The following KIRREL3 variants were observed in gnomAD, a reference collection of about 807,000 sequenced individuals.
The protein encoded by KIRREL3 is kirre like nephrin family adhesion molecule 3.
Under a neutral mutation model 89.7 loss-of-function variants are expected in KIRREL3, and 36 were observed. That is an observed-to-expected ratio of 0.40 (90% CI 0.31 to 0.53). The LOEUF (loss-of-function observed/expected upper bound fraction) is 0.53. Ranked by LOEUF, KIRREL3 falls within the 20% of genes least tolerant of loss-of-function variation. KIRREL3 has a pLI of 0.49. For synonymous variants in KIRREL3, 445 were observed against 441.4 expected (o/e 1.01, Z -0.10); for missense variants, 864 against 1,056.6 (o/e 0.82, Z 2.53).
chr11:126,529,374 G>A (rs1264346805), intron 2 of KIRREL3, among the ~76,000 whole-genome samples: 2 of 152,148 alleles, frequency 1.3e-5, no homozygotes, highest in Admixed American at 6.5e-5. Flanking sequence ...CCTTTTGGTG[G>A]GTGTCTCAGA....
At chr11:126,929,948 A>AC (rs35235576) in intron 1 of KIRREL3, among the ~76,000 whole-genome samples, 1,888 of 143,904 alleles carry the variant, frequency 0.013, 20 homozygotes, top group South Asian at 0.034. Flanking sequence ...TGGGGGAGCC[A>AC]CCCCCCCCCC....
chr11:126,843,517 T>A lies in KIRREL3; in HGVS notation c.55+156938A>T, dbSNP rs929056572. Among the ~76,000 whole-genome samples, 1 of 152,142 alleles carries A rather than the reference T, an allele frequency of 6.6e-6. No individual in the cohort carries two copies. Among genetic ancestry groups the A allele is most frequent in the Admixed American group, 6.5e-5 (1 of 15,276 alleles). On this transcript the variant is annotated intron_variant, in intron 1 of 16. Coordinates refer to ENST00000525144, the MANE Select transcript of KIRREL3 (RefSeq NM_032531.4). This position sits in a 1 kb window ranked among gnomAD's most constrained non-coding sequence, Gnocchi z 4.6. The stretch of plus-strand genomic sequence containing the variant: ...CGTCCCACAGAGACTTCCAGCCTAG[T>A]CAGCTATGCAATCAAACCAAAGCAT...
rs900129412 is a variant in KIRREL3, at chr11:126,744,971, C to T, written c.56-182059G>A. ...CAGACACATTAGGTTGGAGGTGATG[C>T]GAACTGTCTTGCTGGAAGTGTCCAC... is the stretch of plus-strand genomic sequence containing the variant. On this transcript the variant is annotated intron_variant, in intron 1 of 16. Transcript: ENST00000525144. The surrounding 1 kb of genome is among the most constrained non-coding windows in gnomAD (Gnocchi z 4.7). Among the ~76,000 whole-genome samples the T allele has an allele frequency of 2.0e-5, 3 of 151,860 alleles. No homozygotes were observed. Among genetic ancestry groups the T allele is most frequent in the African/African-American group, 7.3e-5 (3 of 41,294 alleles).
At chr11:126,733,366 A>G (rs1409111646) in intron 1 of KIRREL3, among the ~76,000 whole-genome samples, 1 of 152,206 alleles carries the variant, frequency 6.6e-6, no homozygotes, top group Non-Finnish European at 1.5e-5. Flanking sequence ...TCGTAAGCTC[A>G]AGACACCTGA....
At position 126,919,178 on chromosome 11, in the gene KIRREL3, G is replaced by C. The variant is rs187487344; in HGVS notation, c.55+81277C>G. Among the ~76,000 whole-genome samples the C allele has an allele frequency of 2.6e-5, 4 of 152,154 alleles. No homozygotes were observed. In the South Asian group the frequency reaches 8.3e-4, roughly 32 times the overall value. On this transcript the variant is annotated intron_variant, in intron 1 of 16. Transcript: ENST00000525144. ...AAGGCATAGTGCTTTTGTGGGTTTCGATAAGCCTGACTTCTCAGTGTGGAT... is the reference window on the plus strand; with the variant it reads ...AAGGCATAGTGCTTTTGTGGGTTTCCATAAGCCTGACTTCTCAGTGTGGAT...
intron 1 of KIRREL3, among the ~76,000 whole-genome samples, chr11:126,648,907 T>C (rs1313440899): frequency 6.6e-6 from 1 of 152,194 alleles, no homozygotes; most frequent in Non-Finnish European, 1.5e-5. Flanking sequence ...TTGGAAAATG[T>C]ATTAGTCAGT....
At chr11:126,461,406 G>A (rs961260442) in intron 6 of KIRREL3, among the ~76,000 whole-genome samples, 1 of 152,176 alleles carries the variant, frequency 6.6e-6, no homozygotes, top group Non-Finnish European at 1.5e-5. Context: ...TGTGTGCCCC[G>A]GGACCTCCTT....
chr11:126,791,261 T>C lies in KIRREL3; in HGVS notation c.55+209194A>G, dbSNP rs1317178324. On this transcript the variant is annotated intron_variant, in intron 1 of 16. Transcript: ENST00000525144. The surrounding 1 kb of genome is among the most constrained non-coding windows in gnomAD (Gnocchi z 4.8). ...GTACAGGGAATTTAGTGGTATTTGTTGACCTGATGAGATGAGAAATAGTTG... is the reference window on the plus strand; with the variant it reads ...GTACAGGGAATTTAGTGGTATTTGTCGACCTGATGAGATGAGAAATAGTTG... 6.6e-6 allele frequency among the ~76,000 whole-genome samples: 1 copy of C among 152,178 alleles called. No homozygotes were observed. Among genetic ancestry groups the C allele is most frequent in the African/African-American group, 2.4e-5 (1 of 41,458 alleles).
At chr11:126,582,696 A>C (rs1027549218) in intron 1 of KIRREL3, among the ~76,000 whole-genome samples, 1 of 152,180 alleles carries the variant, frequency 6.6e-6, no homozygotes, top group Non-Finnish European at 1.5e-5. Flanking sequence ...AAGGTCACCG[A>C]GTATTTGCAA....
In KIRREL3 at chr11:126,612,713, C is replaced by T. The variant is rs1025583486; in HGVS notation, c.56-49801G>A. ...CCCACTTTCTGCCTCTGTGGATTTACCTATACTGGACACTCCTACAACATG... is the reference window on the plus strand; with the variant it reads ...CCCACTTTCTGCCTCTGTGGATTTATCTATACTGGACACTCCTACAACATG... On this transcript the variant is annotated intron_variant, in intron 1 of 16. Transcript: ENST00000525144. The surrounding 1 kb of genome is among the most constrained non-coding windows in gnomAD (Gnocchi z 4.5). Among the ~76,000 whole-genome samples the T allele has an allele frequency of 1.3e-5, 2 of 152,190 alleles. No individual in the cohort carries two copies. The highest frequency in any genetic ancestry group is 4.8e-5 in the African/African-American group (2 of 41,454).
At chr11:126,885,778 G>A (rs972491223) in intron 1 of KIRREL3, among the ~76,000 whole-genome samples, 2 of 152,300 alleles carry the variant, frequency 1.3e-5, no homozygotes, top group South Asian at 2.1e-4. Context: ...CCTCAGGCAT[G>A]CCCCACTGTG....
rs372068920 is a variant in KIRREL3 at position 126,927,145 on chromosome 11, G to T, written c.55+73310C>A. Reference sequence around the variant, plus strand: ...AGCCTTTCTTTTCATTGTCCAGAAGGTTCTAAGGACAGCTGAGATGGGGTT... The same window carrying T: ...AGCCTTTCTTTTCATTGTCCAGAAGTTTCTAAGGACAGCTGAGATGGGGTT... On this transcript the variant is annotated intron_variant, in intron 1 of 16. Coordinates refer to ENST00000525144, the MANE Select transcript of KIRREL3 (RefSeq NM_032531.4). Among the ~76,000 whole-genome samples the T allele has an allele frequency of 4.3e-4, 66 of 152,328 alleles. 3 individuals carry two copies. The East Asian group carries it at 8.3e-3, about 19-fold the overall frequency.
In KIRREL3 at chr11:126,427,338, G is replaced by A. The variant is rs1423575806; in HGVS notation, c.1807-1614C>T. On this transcript the variant is annotated intron_variant, in intron 15 of 16. Coordinates refer to ENST00000525144, the MANE Select transcript of KIRREL3 (RefSeq NM_032531.4). This position sits in a 1 kb window ranked among gnomAD's most constrained non-coding sequence, Gnocchi z 5.3. ...ATGACCTTTGCCCTTGAGGAGCTCT[G>A]GGATAACTGGGGAAGCTGACATGGA... Among the ~76,000 whole-genome samples, 1 of 152,192 alleles carries A rather than the reference G, an allele frequency of 6.6e-6. No homozygotes were observed. The highest frequency in any genetic ancestry group is 1.5e-5 in the Non-Finnish European group (1 of 68,042).
In KIRREL3 at chr11:126,739,157, A is replaced by G. The variant is rs1948899004; in HGVS notation, c.56-176245T>C. Among the ~76,000 whole-genome samples, 1 of 152,194 alleles carries G rather than the reference A, an allele frequency of 6.6e-6. No homozygotes were observed. Among genetic ancestry groups the G allele is most frequent in the Admixed American group, 6.5e-5 (1 of 15,288 alleles). On this transcript the variant is annotated intron_variant, in intron 1 of 16. Transcript: ENST00000525144. This position sits in a 1 kb window ranked among gnomAD's most constrained non-coding sequence, Gnocchi z 5.5. The stretch of plus-strand genomic sequence containing the variant: ...TCCAATCCAGACTGTTCTGGCTCCA[A>G]AGCCAAACCCTTCCACCCGTTCCGT...
chr11:126,474,850 C>T lies in KIRREL3; in HGVS notation c.434-1384G>A, dbSNP rs1957020966. The stretch of plus-strand genomic sequence containing the variant: ...TGGTTTGGAGGAGAGGCCCAGAAAT[C>T]TGAAGTACCTTGCCTAGGACACAGG... On this transcript the variant is annotated intron_variant, in intron 4 of 16. Transcript: ENST00000525144. This position sits in a 1 kb window ranked among gnomAD's most constrained non-coding sequence, Gnocchi z 6.7. Among the ~76,000 whole-genome samples, 1 of 152,192 alleles carries T rather than the reference C, an allele frequency of 6.6e-6. No homozygotes were observed. The highest frequency in any genetic ancestry group is 2.1e-4 in the South Asian group (1 of 4,836).
In KIRREL3 at chr11:126,576,215, G is replaced by C. The variant is rs945000422; in HGVS notation, c.56-13303C>G. The stretch of plus-strand genomic sequence containing the variant: ...GGGCTGAGGTCTGAGATCTCTGCTG[G>C]TTTGAGAATGGGACTTCCTCCTACC... On this transcript the variant is annotated intron_variant, in intron 1 of 16. Coordinates refer to ENST00000525144, the MANE Select transcript of KIRREL3 (RefSeq NM_032531.4). This position sits in a 1 kb window ranked among gnomAD's most constrained non-coding sequence, Gnocchi z 5.4. 1.3e-4 allele frequency among the ~76,000 whole-genome samples: 20 copies of C among 152,238 alleles called. No individual in the cohort carries two copies. Among genetic ancestry groups the C allele is most frequent in the African/African-American group, 4.8e-4 (20 of 41,460 alleles).
chr11:126,683,617 T>C lies in KIRREL3; in HGVS notation c.56-120705A>G, dbSNP rs1007142454. 5.3e-5 allele frequency among the ~76,000 whole-genome samples: 8 copies of C among 152,218 alleles called. No individual in the cohort carries two copies. The highest frequency in any genetic ancestry group is 1.9e-4 in the African/African-American group (8 of 41,454). On this transcript the variant is annotated intron_variant, in intron 1 of 16. Coordinates refer to ENST00000525144, the MANE Select transcript of KIRREL3 (RefSeq NM_032531.4). The surrounding 1 kb of genome is among the most constrained non-coding windows in gnomAD (Gnocchi z 5.2). ...CTGACAATACTAAGTGTTCAACCAA[T>C]GCTCATGATTGGCCAGGGCATTGAC... is the stretch of plus-strand genomic sequence containing the variant.
chr11:126,706,754 A>G (rs546112908), intron 1 of KIRREL3, among the ~76,000 whole-genome samples: 6 of 152,058 alleles, frequency 3.9e-5, no homozygotes, highest in African/African-American at 1.4e-4. Context: ...TATCAGCTAT[A>G]TTTTTCTTTT....
chr11:126,958,029 A>T (rs1466350960), intron 1 of KIRREL3, among the ~76,000 whole-genome samples: 1 of 152,218 alleles, frequency 6.6e-6, no homozygotes, highest in Non-Finnish European at 1.5e-5. Context: ...AGCCTTACAG[A>T]TTCTGATGAG....
Sources: allele counts gnomAD v4.1 joint callset (sites outside exome capture counted in the v4.1 genomes callset), GRCh38; gene constraint gnomAD v4.1.1; non-coding constraint Gnocchi (gnomAD v3.1); transcripts MANE v1.5; gene names NCBI Gene and HGNC (gene_info 2026-07-23, HGNC 2026-07-21).